The following CPVL variants were observed in gnomAD, a reference collection of about 807,000 sequenced individuals.
CPVL encodes probable serine carboxypeptidase CPVL.
In CPVL, 51 loss-of-function variants were observed where a neutral mutation model predicts 63.7. The observed-to-expected ratio is 0.80, with a 90% CI of 0.64 to 1.01. CPVL has a LOEUF of 1.01. CPVL is among the 50% of genes least tolerant of loss of function. The pLI is 0.00. For missense variants in CPVL, 530 were observed against 573.1 expected (o/e 0.92, Z 0.77); for synonymous variants, 195 against 206.0 (o/e 0.95, Z 0.46).
intron 1 of CPVL, among the ~76,000 whole-genome samples, chr7:29,123,076 A>G (rs1729995241): frequency 6.6e-6 from 1 of 152,220 alleles, no homozygotes; most frequent in African/African-American, 2.4e-5. Context: ...AAAGAGATAC[A>G]CAATTATGCA....
intron 12 of CPVL, among the ~76,000 whole-genome samples, chr7:29,015,588 T>C (rs1385363649): frequency 6.6e-6 from 1 of 152,206 alleles, no homozygotes; most frequent in East Asian, 1.9e-4. Context: ...CAGAAGGAGA[T>C]GCCGTCATGC....
At chr7:29,194,772 T>A in intron 1 of CPVL, 1 of 484,420 alleles carries the variant, frequency 2.1e-6, no homozygotes, top group Non-Finnish European at 3.4e-6. Flanking sequence ...CAGCGCGTCA[T>A]CTGGTGGAGC....
chr7:29,120,378 C>T lies in CPVL; in HGVS notation c.169+515G>A, dbSNP rs193081170. On this transcript the variant is annotated intron_variant, in intron 2 of 12. Transcript: ENST00000265394. ...CAGAGGTTGCAGTAAGCAGAGATTG[C>T]GCCACCGCACTCCAGCCTGGGCAAC... Among the ~76,000 whole-genome samples, 269 of 151,976 alleles carry T rather than the reference C, an allele frequency of 1.8e-3. 1 individual carries two copies. Among genetic ancestry groups the T allele is most frequent in the African/African-American group, 5.9e-3 (245 of 41,466 alleles).
chr7:29,151,065 C>T (rs1246730297), upstream of CPVL, among the ~76,000 whole-genome samples: 1 of 152,130 alleles, frequency 6.6e-6, no homozygotes, highest in Non-Finnish European at 1.5e-5. Flanking sequence ...GTGGCGGTAA[C>T]CAAGCTCTAA....
intron 11 of CPVL, among the ~76,000 whole-genome samples, chr7:29,046,368 G>A (rs1458954343): frequency 5.9e-5 from 9 of 152,124 alleles, no homozygotes. Flanking sequence ...ACAGGCGTCA[G>A]CCACCGCGCC....
At chr7:29,008,330 TGA>T (rs1379110612) in intron 12 of CPVL, among the ~76,000 whole-genome samples, 1 of 152,178 alleles carries the variant, frequency 6.6e-6, no homozygotes, top group East Asian at 1.9e-4. Flanking sequence ...TCAGAGTTAG[TGA>T]GTGGTTTTAA....
intron 12 of CPVL, among the ~76,000 whole-genome samples, chr7:29,004,901 C>T (rs5004037): frequency 0.19 from 26,947 of 139,800 alleles, 2,865 homozygotes; most frequent in East Asian, 0.27. Flanking sequence ...CTTTTCTTTT[C>T]TTTTTTTTTT....
At chr7:29,195,381 A>T (rs781647267), upstream of CPVL, 1 of 220,122 alleles carries the variant, frequency 4.5e-6, no homozygotes, top group Non-Finnish European at 8.9e-6. Flanking sequence ...CGCGCCCGCT[A>T]CCCTGGACAC....
At chr7:29,014,147 G>GTGT (rs1401757835) in intron 12 of CPVL, among the ~76,000 whole-genome samples, 1 of 152,138 alleles carries the variant, frequency 6.6e-6, no homozygotes. Flanking sequence ...TTTGATTACT[G>GTGT]TGTTCTGGTT....
At chr7:29,008,509 TCTTAA>T (rs1562720374) in intron 12 of CPVL, among the ~76,000 whole-genome samples, 2 of 152,208 alleles carry the variant, frequency 1.3e-5, no homozygotes, top group Non-Finnish European at 2.9e-5. Context: ...CTGAATAGCA[TCTTAA>T]AACTTTTAAA....
At chr7:29,179,951 T>C (rs552189124) in intron 5 of CPVL, among the ~76,000 whole-genome samples, 2 of 152,360 alleles carry the variant, frequency 1.3e-5, no homozygotes, top group Admixed American at 1.3e-4. Context: ...CTAAGCATTC[T>C]ATTGATCTTT....
Position 29,140,773 on chromosome 7 carries a change from A to G in CPVL, c.-11+5656T>C, listed in dbSNP as rs536152076. 3.9e-5 allele frequency among the ~76,000 whole-genome samples: 6 copies of G among 152,308 alleles called. No homozygotes were observed. The South Asian group carries it at 1.0e-3, about 26-fold the overall frequency. ...CTCCCCAGGGAAGGAAAATAAGAAA[A>G]AAGCAAAAAGTGACCTTAGACAGGC... On this transcript the variant is annotated intron_variant, in intron 1 of 12. Coordinates refer to ENST00000265394, the MANE Select transcript of CPVL (RefSeq NM_031311.5).
At chr7:29,018,323 A>G (rs1450615432) in intron 12 of CPVL, among the ~76,000 whole-genome samples, 1 of 152,066 alleles carries the variant, frequency 6.6e-6, no homozygotes, top group Non-Finnish European at 1.5e-5. Context: ...TTCTAAAAAA[A>G]AAAATCTTAA....
intron 11 of CPVL, among the ~76,000 whole-genome samples, chr7:29,059,149 C>T (rs1034510079): frequency 6.6e-6 from 1 of 151,972 alleles, no homozygotes; most frequent in African/African-American, 2.4e-5. Flanking sequence ...TTATTACATC[C>T]TCATGCTACT....
chr7:29,110,219 G>T (rs142704426), intron 3 of CPVL, among the ~76,000 whole-genome samples: 1 of 152,208 alleles, frequency 6.6e-6, no homozygotes, highest in African/African-American at 2.4e-5. Flanking sequence ...CAGCTAGAGT[G>T]GGGGAGGAGG....
Position 29,072,377 on chromosome 7 carries a change from G to A in CPVL, c.656C>T (p.Ser219Phe). Residue 219 changes from serine (S) to phenylalanine (F), a missense_variant, in exon 8 of 13, where the codon TCC becomes TTC. Physicochemically the swap from Ser to Phe is radical, Grantham distance 155 (BLOSUM62 -2). Coordinates refer to ENST00000265394, the MANE Select transcript of CPVL (RefSeq NM_031311.5). ...CTTCACCTCTCTCACAGGGTTGAGG[G>A]AATGGATGAGGTGTGCAATGGCTGG... ...YVPAIAHLIHSLNPVREVKIN... is the reference protein window; with the variant it reads ...YVPAIAHLIHFLNPVREVKIN... 2 of 1,614,014 alleles carry A rather than the reference G, an allele frequency of 1.2e-6. No homozygotes were observed. The highest frequency in any genetic ancestry group is 1.7e-6 in the Non-Finnish European group (2 of 1,179,918).
intron 12 of CPVL, among the ~76,000 whole-genome samples, chr7:29,016,024 T>C (rs905254845): frequency 5.3e-5 from 8 of 152,172 alleles, no homozygotes; most frequent in African/African-American, 1.2e-4. Context: ...TCATCTCTTT[T>C]GACCTTCCCA....
intron 2 of CPVL, among the ~76,000 whole-genome samples, chr7:29,186,253 CA>C (rs70980510): frequency 5.5e-5 from 8 of 146,132 alleles, no homozygotes; most frequent in Non-Finnish European, 7.6e-5. Context: ...ATGTTTTAGG[CA>C]AAAAAAAAAT....
At chr7:29,146,261 G>A (rs555617352) in intron 1 of CPVL, 168 bp downstream of exon 1, 16 of 244,240 alleles carry the variant, frequency 6.6e-5, no homozygotes, top group Middle Eastern at 2.8e-3. Flanking sequence ...TTTGAACTTT[G>A]ACTCGGCCAC....
Sources: gnomAD v4.1 joint callset for allele counts (sites outside exome capture counted in the v4.1 genomes callset) on GRCh38, gnomAD v4.1.1 for gene constraint, MANE v1.5 for transcripts, NCBI Gene and HGNC (gene_info 2026-07-23, HGNC 2026-07-21) for gene names.